Variants in LDLRAD4 observed in about 807,000 individuals in gnomAD.
LDLRAD4 encodes low density lipoprotein receptor class A domain containing 4, also known as low-density lipoprotein receptor class A domain-containing protein 4.
In LDLRAD4, 5 loss-of-function variants were observed where a neutral mutation model predicts 17.0. The ratio of observed to expected loss-of-function variants is 0.29; its 90% confidence interval spans 0.15 to 0.62. The LOEUF (loss-of-function observed/expected upper bound fraction) is 0.62. Ranked by LOEUF, LDLRAD4 falls within the 20% of genes least tolerant of loss-of-function variation. The pLI, the probability that LDLRAD4 is intolerant of heterozygous loss-of-function variation, is 0.84. For missense variants in LDLRAD4, 340 were observed against 424.7 expected (o/e 0.80, Z 1.75); for synonymous variants, 168 against 171.8 (o/e 0.98, Z 0.17).
At chr18:13,234,634 G>A (rs1425556757) in intron 1 of LDLRAD4, among the ~76,000 whole-genome samples, 1 of 152,162 alleles carries the variant, frequency 6.6e-6, no homozygotes, top group Non-Finnish European at 1.5e-5. Context: ...AGCCTCCGTG[G>A]GTTGGGACAG....
At chr18:13,304,210 A>T (rs1313229646) in intron 1 of LDLRAD4, among the ~76,000 whole-genome samples, 1 of 152,072 alleles carries the variant, frequency 6.6e-6, no homozygotes, top group Non-Finnish European at 1.5e-5. Context: ...CAGGAGTTGG[A>T]CCTTAGATAT....
chr18:13,434,922 A>C (rs1180358644), intron 2 of LDLRAD4, among the ~76,000 whole-genome samples: 1 of 152,234 alleles, frequency 6.6e-6, no homozygotes, highest in Non-Finnish European at 1.5e-5. Flanking sequence ...GCCAGGCCAG[A>C]GGGTGCCAGA....
chr18:13,251,318 A>G (rs185668975), intron 1 of LDLRAD4, among the ~76,000 whole-genome samples: 1 of 152,220 alleles, frequency 6.6e-6, no homozygotes, highest in Admixed American at 6.5e-5. Flanking sequence ...GAACTGGAAC[A>G]AGAAAAGAAT....
At chr18:13,636,183 C>A (rs1183960565) in intron 4 of LDLRAD4, among the ~76,000 whole-genome samples, 1 of 152,056 alleles carries the variant, frequency 6.6e-6, no homozygotes, top group Non-Finnish European at 1.5e-5. Context: ...TCCCTTGGTA[C>A]CCTCAGGGGA....
intron 1 of LDLRAD4, among the ~76,000 whole-genome samples, chr18:13,234,325 G>T (rs1371049949): frequency 6.6e-6 from 1 of 152,226 alleles, no homozygotes; most frequent in Non-Finnish European, 1.5e-5. Context: ...GCGCACATTA[G>T]TCGCCTGGCT....
chr18:13,588,737 C>T (rs1230418291), intron 3 of LDLRAD4, among the ~76,000 whole-genome samples: 1 of 152,130 alleles, frequency 6.6e-6, no homozygotes, highest in Non-Finnish European at 1.5e-5. Context: ...GCTGTCGACA[C>T]AATCCACTCA....
intron 1 of LDLRAD4, among the ~76,000 whole-genome samples, chr18:13,387,134 A>T (rs1345117648): frequency 1.3e-5 from 2 of 152,220 alleles, no homozygotes; most frequent in African/African-American, 4.8e-5. Context: ...AGAATGGCCC[A>T]GGAGGGACAT....
chr18:13,413,289 T>C (rs1422165561), intron 2 of LDLRAD4, among the ~76,000 whole-genome samples: 1 of 152,208 alleles, frequency 6.6e-6, no homozygotes, highest in African/African-American at 2.4e-5. Context: ...GCAAGAAATA[T>C]CACTGTACGT....
At chr18:13,650,106 G>A (rs1411920585) in exon 6 of LDLRAD4, 1 of 398,562 alleles carries the variant, frequency 2.5e-6, no homozygotes, top group Non-Finnish European at 4.4e-6. Flanking sequence ...ACAGAGATGT[G>A]AACAGACAAT....
At chr18:13,499,648 TAC>T (rs936910087) in intron 3 of LDLRAD4, among the ~76,000 whole-genome samples, 25 of 132,548 alleles carry the variant, frequency 1.9e-4, no homozygotes, top group Admixed American at 1.2e-3. Context: ...CCGCTGTGGA[TAC>T]TGGAGAATCC....
intron 3 of LDLRAD4, among the ~76,000 whole-genome samples, chr18:13,531,756 GGAGA>G (rs890866731): frequency 1.6e-4 from 24 of 152,236 alleles, no homozygotes; most frequent in African/African-American, 5.3e-4. Flanking sequence ...AAATGGAGAT[GGAGA>G]GAAAGCGCTG....
upstream of LDLRAD4, among the ~76,000 whole-genome samples, chr18:13,218,559 G>T (rs1025607003): frequency 6.6e-6 from 1 of 152,178 alleles, no homozygotes. Context: ...GGAAGATCCT[G>T]CAGGACCTGA....
chr18:13,466,947 C>T (rs532670141), intron 3 of LDLRAD4, among the ~76,000 whole-genome samples: 59 of 152,224 alleles, frequency 3.9e-4, no homozygotes, highest in Non-Finnish European at 7.8e-4. Context: ...GCTCCACTTC[C>T]TAATATCCTC....
chr18:13,332,361 C>T (rs1472037806), intron 1 of LDLRAD4, among the ~76,000 whole-genome samples: 2 of 152,180 alleles, frequency 1.3e-5, no homozygotes, highest in Admixed American at 1.3e-4. Context: ...ATCAACATCC[C>T]ACACCACAGT....
chr18:13,576,437 A>AAG (rs1555750705), intron 3 of LDLRAD4, among the ~76,000 whole-genome samples: 1 of 83,598 alleles, frequency 1.2e-5, no homozygotes, highest in African/African-American at 3.1e-5. Flanking sequence ...AAAAAAAAAA[A>AAG]AAAGAAAGAA....
At chr18:13,641,250 G>A (rs1034539394) in intron 4 of LDLRAD4, among the ~76,000 whole-genome samples, 16 of 152,148 alleles carry the variant, frequency 1.1e-4, no homozygotes, top group Admixed American at 3.3e-4. Flanking sequence ...AGCTTGGGCA[G>A]CATAGCGAGA....
chr18:13,236,147 CAG>C (rs1016739952), intron 1 of LDLRAD4, among the ~76,000 whole-genome samples: 1 of 152,132 alleles, frequency 6.6e-6, no homozygotes, highest in Non-Finnish European at 1.5e-5. Flanking sequence ...TTACTCTCTA[CAG>C]AGAGTGGTTC....
chr18:13,577,853 A>T (rs572000066), intron 3 of LDLRAD4, among the ~76,000 whole-genome samples: 2 of 152,234 alleles, frequency 1.3e-5, no homozygotes, highest in African/African-American at 4.8e-5. Flanking sequence ...AAGGCACTGG[A>T]AACACCACAC....
rs150668936 is a variant in LDLRAD4, at chr18:13,553,948, C to T, written c.182-67169C>T. Reference sequence around the variant, plus strand: ...GCAGTTAATTAGTGAGTGACCTCCCCATCCAAGGCTCTCTGAGTGTCTCTG... The same window carrying T: ...GCAGTTAATTAGTGAGTGACCTCCCTATCCAAGGCTCTCTGAGTGTCTCTG... On this transcript the variant is annotated intron_variant, in intron 3 of 5. Transcript: ENST00000359446. Among the ~76,000 whole-genome samples, 101 of 152,308 alleles carry T rather than the reference C, an allele frequency of 6.6e-4. 1 individual carries two copies. In the South Asian group the frequency reaches 9.8e-3, roughly 15 times the overall value.
Sources: allele counts gnomAD v4.1 joint callset (sites outside exome capture counted in the v4.1 genomes callset), GRCh38; gene constraint gnomAD v4.1.1; transcripts MANE v1.5; gene names NCBI Gene and HGNC (gene_info 2026-07-23, HGNC 2026-07-21).